Variants in NCOR2 observed in about 807,000 individuals in gnomAD.
NCOR2 encodes nuclear receptor corepressor 2.
Under a neutral mutation model 262.9 loss-of-function variants are expected in NCOR2, and 81 were observed. The ratio of observed to expected loss-of-function variants is 0.31; its 90% confidence interval spans 0.26 to 0.37. The LOEUF (loss-of-function observed/expected upper bound fraction) is 0.37. NCOR2 is among the 10% of genes least tolerant of loss of function. The probability of loss-of-function intolerance (pLI) is 1.00; values close to 1 mark genes in which losing one functional copy is unlikely to be tolerated. For missense variants in NCOR2, 3,385 were observed against 3,621.4 expected (o/e 0.93, Z 1.68); for synonymous variants, 1,659 against 1,559.3 (o/e 1.06, Z -1.51).
Position 124,396,941 on chromosome 12 carries a change from C to G in NCOR2, c.1876+1178G>C, listed in dbSNP as rs534501058. ...CCTGGAGCTTTCTGCACAAAGAAAC[C>G]GCACGTCACAGACAGCCTCGACTCC... On this transcript the variant is annotated intron_variant, in intron 16 of 46. Coordinates refer to ENST00000405201, the Ensembl canonical transcript of NCOR2. 3.3e-5 allele frequency among the ~76,000 whole-genome samples: 5 copies of G among 152,306 alleles called. No homozygotes were observed. In the South Asian group the frequency reaches 1.0e-3, roughly 32 times the overall value.
chr12:124,458,609 T>C (rs938982153), intron 5 of NCOR2, among the ~76,000 whole-genome samples: 1 of 152,228 alleles, frequency 6.6e-6, no homozygotes, highest in African/African-American at 2.4e-5. Flanking sequence ...ATACGGTGTG[T>C]TCTTAACATG....
chr12:124,343,788 G>A (rs533614072), intron 32 of NCOR2, among the ~76,000 whole-genome samples: 7 of 152,210 alleles, frequency 4.6e-5, no homozygotes, highest in East Asian at 1.9e-4. Flanking sequence ...CACCACACCC[G>A]GTTATTTTTT....
At chr12:124,371,831 G>A (rs906902440) in intron 20 of NCOR2, among the ~76,000 whole-genome samples, 191 bp downstream of exon 22, 2 of 152,088 alleles carry the variant, frequency 1.3e-5, no homozygotes, top group Admixed American at 6.5e-5. Context: ...AGGTCCTCCC[G>A]GCCACACCTC....
intron 19 of NCOR2, among the ~76,000 whole-genome samples, chr12:124,373,358 GACAATCAT>G (rs1480506727): frequency 3.3e-4 from 23 of 69,342 alleles, no homozygotes; most frequent in African/African-American, 8.1e-4. Context: ...GGGCACAGTG[GACAATCAT>G]GAGGCCAGTG....
At chr12:124,508,868 T>C (rs1363512552) in intron 1 of NCOR2, among the ~76,000 whole-genome samples, 1 of 151,996 alleles carries the variant, frequency 6.6e-6, no homozygotes, top group Non-Finnish European at 1.5e-5. Context: ...GAGGGAAGGC[T>C]GGGGAGCTGA....
intron 37 of NCOR2, among the ~76,000 whole-genome samples, chr12:124,337,532 G>C (rs1445311136): frequency 2.0e-5 from 3 of 152,342 alleles, no homozygotes; most frequent in South Asian, 4.1e-4. Context: ...AAGCTCTACA[G>C]AGCCTGGTAA....
chr12:124,374,521 G>C, intron 18 of NCOR2, 58 bp from the exon 21 acceptor site: 5 of 1,555,480 alleles, frequency 3.2e-6, no homozygotes, highest in Non-Finnish European at 3.5e-6. Context: ...TGGGAGGGGA[G>C]GGAGGAGGCA....
In NCOR2 at chr12:124,548,834, A is replaced by G. The variant is rs2051620156; in HGVS notation, c.-164-13223T>C. Among the ~76,000 whole-genome samples, 1 of 151,862 alleles carries G rather than the reference A, an allele frequency of 6.6e-6. No homozygotes were observed. The highest frequency in any genetic ancestry group is 6.6e-5 in the Admixed American group (1 of 15,256). The stretch of plus-strand genomic sequence containing the variant: ...AAAACCTGCCAGAACCAGTCCAAAT[A>G]CTAGCTGTTTCTTAAATGTCACTCT... On this transcript the variant is annotated intron_variant, in intron 1 of 32. Coordinates refer to the NCOR2 transcript ENST00000458234. This position sits in a 1 kb window ranked among gnomAD's most constrained non-coding sequence, Gnocchi z 5.1.
intron 1 of NCOR2, among the ~76,000 whole-genome samples, chr12:124,489,877 C>A (rs966546007): frequency 2.0e-5 from 3 of 152,028 alleles, no homozygotes; most frequent in African/African-American, 4.8e-5. Context: ...AGTTCCTTTG[C>A]GGGAGAGGAG....
In NCOR2 at chr12:124,340,354, G is replaced by A. The variant is rs373197094; in HGVS notation, c.5428C>T (p.Arg1810Trp). 95 of 1,612,862 alleles carry A rather than the reference G, an allele frequency of 5.9e-5. 1 individual carries two copies. In the South Asian group the frequency reaches 6.7e-4, roughly 11 times the overall value. The change falls in exon 36 of 47, where the codon CGG (arginine) becomes TGG (tryptophan). Residue 1810 changes from arginine (R) to tryptophan (W), a missense_variant. Around this residue, in one of 5 missense-constraint regions of NCOR2, gnomAD observed 1,615 missense variants for 1,626.9 expected, o/e 0.99. Coordinates refer to ENST00000405201, the Ensembl canonical transcript of NCOR2. ...GTGGACGTGAGGATGGACTTTTCCCGCTCCCGATCCCGGTCCCGCTCTCGA... is the reference window on the plus strand; with the variant it reads ...GTGGACGTGAGGATGGACTTTTCCCACTCCCGATCCCGGTCCCGCTCTCGA...
intron 1 of NCOR2, among the ~76,000 whole-genome samples, chr12:124,492,242 G>A (rs914201199): frequency 2.0e-5 from 3 of 152,176 alleles, no homozygotes; most frequent in Admixed American, 6.5e-5. Context: ...TGACTACCCC[G>A]CGCTTGCTGC....
chr12:124,335,945 TG>T (rs2135782655), intron 38 of NCOR2: 2 of 353,878 alleles, frequency 5.7e-6, no homozygotes, highest in South Asian at 5.2e-5. Flanking sequence ...CAGCGTGAGA[TG>T]GGGGCAGCAT....
chr12:124,456,220 A>G (rs1035750239), intron 6 of NCOR2, among the ~76,000 whole-genome samples: 2 of 152,238 alleles, frequency 1.3e-5, no homozygotes, highest in Non-Finnish European at 2.9e-5. Context: ...TCACACGCAC[A>G]CCCTAGCCCA....
exon 31 of NCOR2, chr12:124,346,676 G>A: frequency 6.3e-7 from 1 of 1,578,376 alleles, no homozygotes. Context: ...CTTCACCGTG[G>A]CCACCAGGCC....
At position 124,354,324 on chromosome 12, in the gene NCOR2, C is replaced by A. The variant is rs2037769126; in HGVS notation, c.3590-128G>T. 2.6e-6 allele frequency: 3 copies of A among 1,159,638 alleles called. No individual in the cohort carries two copies. The South Asian group carries it at 4.3e-5, about 17-fold the overall frequency. The allele number at this position is 1,159,638 out of a possible 1,614,324, so 71.8% of individuals were successfully genotyped here. On this transcript the variant is annotated intron_variant, in intron 26 of 46. Transcript: ENST00000405201. Reference sequence around the variant, plus strand: ...TAGTTGTTTCAACGCAGAGGGAGTCCCCCTACCCCTAAATGGTGAGGGAGA... The same window carrying A: ...TAGTTGTTTCAACGCAGAGGGAGTCACCCTACCCCTAAATGGTGAGGGAGA...
Position 124,495,186 on chromosome 12 carries a change from G to T in NCOR2, c.66C>A (p.His22Gln), listed in dbSNP as rs1318524788. Residue 22 changes from histidine to glutamine, a missense_variant, in exon 1 of 47, where the codon CAC (histidine) becomes CAA (glutamine). Coordinates refer to ENST00000405201, the Ensembl canonical transcript of NCOR2. The surrounding 1 kb of genome is among the most constrained non-coding windows in gnomAD (Gnocchi z 4.4). Reference sequence around the variant, plus strand: ...CGATCTGCACTGGGTAGGAAAGGCTGTGGGGCGGGTAGCGGGGCTCAGTGG... The same window carrying T: ...CGATCTGCACTGGGTAGGAAAGGCTTTGGGGCGGGTAGCGGGGCTCAGTGG... The T allele has an allele frequency of 4.3e-6, 7 of 1,614,032 alleles. No individual in the cohort carries two copies. In the South Asian group the frequency reaches 6.6e-5, roughly 15 times the overall value.
At chr12:124,391,726 A>G (rs895608560) in intron 16 of NCOR2, among the ~76,000 whole-genome samples, 1 of 152,220 alleles carries the variant, frequency 6.6e-6, no homozygotes, top group East Asian at 1.9e-4. Flanking sequence ...CGCATCAGCA[A>G]TTATACCCGT....
chr12:124,418,055 C>T (rs2043002682), intron 13 of NCOR2, among the ~76,000 whole-genome samples: 1 of 140,848 alleles, frequency 7.1e-6, no homozygotes. Context: ...TGTGAAACTC[C>T]ATCTCAAAAA....
exon 41 of NCOR2, chr12:124,334,444 G>A (rs777191249): frequency 6.7e-7 from 1 of 1,501,988 alleles, no homozygotes; most frequent in Non-Finnish European, 8.9e-7. Flanking sequence ...CTTCGCTGTG[G>A]GGGGAGCCAC....
Sources: allele counts gnomAD v4.1 joint callset (sites outside exome capture counted in the v4.1 genomes callset), GRCh38; gene constraint gnomAD v4.1.1; regional missense constraint gnomAD v4.1.1; non-coding constraint Gnocchi (gnomAD v3.1); transcripts MANE v1.5; gene names NCBI Gene and HGNC (gene_info 2026-07-23, HGNC 2026-07-21).